Variants in TPP2 observed in about 807,000 individuals in gnomAD.
The protein encoded by TPP2 is tripeptidyl peptidase 2.
Under a neutral mutation model 155.9 loss-of-function variants are expected in TPP2, and 34 were observed. That is an observed-to-expected ratio of 0.22 (90% CI 0.17 to 0.29). TPP2 has a LOEUF of 0.29. Among genes scored for constraint, TPP2 ranks in the 10% least tolerant of loss-of-function variants. TPP2 has a pLI of 1.00. For synonymous variants in TPP2, 510 were observed against 529.4 expected (o/e 0.96, Z 0.50); for missense variants, 1,028 against 1,522.3 (o/e 0.68, Z 5.40).
At chr13:102,619,260 C>G (rs904021844) in intron 5 of TPP2, among the ~76,000 whole-genome samples, 14 of 152,012 alleles carry the variant, frequency 9.2e-5, no homozygotes, top group Admixed American at 2.0e-4. Flanking sequence ...AATAATAATG[C>G]GATTTATACC....
chr13:102,627,084 C>A lies in TPP2; in HGVS notation c.857C>A (p.Ala286Asp). The part of the protein sequence containing the change: ...FPEEPERNGV[A>D]PGAQILSIKI... ...GAAGAACCTGAACGGAATGGGGTAG[C>A]TCCTGGTGCTCAAATTCTTTCCATC... is the stretch of plus-strand genomic sequence containing the variant. The change falls in exon 7 of 30, where the codon GCT becomes GAT. Residue 286 changes from alanine to aspartate, a missense_variant. Physicochemically the swap from Ala to Asp is moderately radical, Grantham distance 126 (BLOSUM62 -2). This residue lies in a region of TPP2 where 300 missense variants were observed against 398.3 expected (regional missense o/e 0.75). Transcript: ENST00000376052. The A allele has an allele frequency of 6.3e-7, 1 of 1,599,574 alleles. No homozygotes were observed.
rs151235722 is a variant in TPP2 at position 102,651,339 on chromosome 13, A to C, written c.2953-20A>C. 2.1e-3 allele frequency: 3,260 copies of C among 1,572,282 alleles called. 63 individuals carry two copies. The highest frequency in any genetic ancestry group is 3.7e-4 in the Non-Finnish European group (429 of 1,157,938). On this transcript the variant is annotated intron_variant, in intron 23 of 29. Transcript: ENST00000376052. ...GTAGATTATGCATGTTTTCTTACAG[A>C]ATGTCGTTCTAACTCCCAGGGGCAG...
chr13:102,669,720 C>T (rs1016927747), intron 27 of TPP2, among the ~76,000 whole-genome samples: 7 of 151,454 alleles, frequency 4.6e-5, no homozygotes, highest in Non-Finnish European at 1.0e-4. Flanking sequence ...ATAAATTTGT[C>T]CAATTTTGGT....
chr13:102,654,932 C>T, intron 24 of TPP2: 1 of 484,594 alleles, frequency 2.1e-6, no homozygotes, highest in Non-Finnish European at 4.1e-6. Context: ...AGGAGAGGAG[C>T]AGGACAGGCA....
Position 102,643,383 on chromosome 13 carries a change from T to G in TPP2, c.2175+7T>G, listed in dbSNP as rs748096122. 4 of 1,592,060 alleles carry G rather than the reference T, an allele frequency of 2.5e-6. No homozygotes were observed. In the Admixed American group the frequency reaches 5.5e-5, roughly 22 times the overall value. ...TGAAGCTTTTCCTGTCCTAGTAAGT[T>G]TAATTATAGTTTATAATCCTAACAC... On this transcript the variant is annotated splice_region_variant and intron_variant, in intron 17 of 29. Transcript: ENST00000376052.
At chr13:102,661,389 T>G (rs896937956) in intron 25 of TPP2, among the ~76,000 whole-genome samples, 1 of 151,286 alleles carries the variant, frequency 6.6e-6, no homozygotes, top group Admixed American at 6.6e-5. Flanking sequence ...TAGCTAGGAC[T>G]ACAAGTGCAC....
chr13:102,619,762 A>G (rs1244820966), intron 5 of TPP2, among the ~76,000 whole-genome samples: 4 of 152,362 alleles, frequency 2.6e-5, no homozygotes, highest in South Asian at 2.1e-4. Flanking sequence ...CAATCTAGAT[A>G]TTAAATATTA....
intron 2 of TPP2, among the ~76,000 whole-genome samples, chr13:102,613,496 G>C (rs192985627): frequency 6.6e-6 from 1 of 152,174 alleles, no homozygotes; most frequent in Admixed American, 6.5e-5. Context: ...TCACTTTTTT[G>C]TTCACAAGAA....
At chr13:102,620,917 C>T (rs9582607) in intron 5 of TPP2, among the ~76,000 whole-genome samples, 81,516 of 152,064 alleles carry the variant, frequency 0.54, 22,052 homozygotes, top group African/African-American at 0.61. Flanking sequence ...ATTCTTTCCA[C>T]AGAAAATTGA....
chr13:102,650,427 C>T (rs1595190223), intron 23 of TPP2, among the ~76,000 whole-genome samples: 2 of 152,282 alleles, frequency 1.3e-5, no homozygotes, highest in Admixed American at 1.3e-4. Context: ...GAAACTTGTG[C>T]TTAGAAAGTT....
chr13:102,647,452 T>G (rs1013727310), intron 21 of TPP2, 108 bp downstream of exon 21: 1 of 1,375,800 alleles, frequency 7.3e-7, no homozygotes, highest in African/African-American at 1.5e-5. Flanking sequence ...AAACAAAAAT[T>G]ATAGCTTTGT....
intron 2 of TPP2, chr13:102,607,679 T>C (rs1214744467): frequency 8.9e-6 from 4 of 448,400 alleles, no homozygotes; most frequent in South Asian, 6.3e-5. Context: ...CTCTGCTTCC[T>C]GTATTCAAGT....
chr13:102,611,666 TAAAA>T (rs761421870), intron 2 of TPP2, among the ~76,000 whole-genome samples: 5 of 151,760 alleles, frequency 3.3e-5, no homozygotes, highest in South Asian at 2.1e-4. Context: ...CTCAAAAAAA[TAAAA>T]AAAAGACATT....
At chr13:102,601,738 T>C (rs2139404017) in intron 1 of TPP2, among the ~76,000 whole-genome samples, 3 of 152,334 alleles carry the variant, frequency 2.0e-5, no homozygotes, top group Admixed American at 2.0e-4. Flanking sequence ...CAAAACACCA[T>C]GGCAAATCCT....
intron 29 of TPP2, among the ~76,000 whole-genome samples, chr13:102,677,311 A>G (rs1885332618): frequency 6.6e-6 from 1 of 152,172 alleles, no homozygotes; most frequent in Non-Finnish European, 1.5e-5. Flanking sequence ...TTGTAAAGCC[A>G]GTGATCCCTG....
At chr13:102,614,318 G>T (rs1184376847) in intron 3 of TPP2, 122 bp downstream of exon 3, 2 of 795,242 alleles carry the variant, frequency 2.5e-6, no homozygotes, top group Non-Finnish European at 3.8e-6. Context: ...TTTTTGGGTG[G>T]TTGGTGGCTT....
chr13:102,658,840 C>T (rs1206148752), intron 25 of TPP2, among the ~76,000 whole-genome samples: 2 of 152,182 alleles, frequency 1.3e-5, no homozygotes, highest in East Asian at 1.9e-4. Context: ...TGCAGCGGCT[C>T]AGTTCCAGCT....
In TPP2 at chr13:102,610,802, A is replaced by G. The variant is rs74484480; in HGVS notation, c.295-3299A>G. On this transcript the variant is annotated intron_variant, in intron 2 of 29. Transcript: ENST00000376052. ...ACCTTTTATTGCAAAATATACATAC[A>G]TAAAATACATAAAACACATATATAC... Among the ~76,000 whole-genome samples the G allele has an allele frequency of 7.1e-3, 1,083 of 152,158 alleles. 13 individuals carry two copies. Among genetic ancestry groups the G allele is most frequent in the African/African-American group, 0.025 (1,026 of 41,568 alleles).
intron 24 of TPP2, among the ~76,000 whole-genome samples, chr13:102,655,428 C>G (rs1883792034): frequency 2.0e-5 from 3 of 152,004 alleles, no homozygotes; most frequent in Non-Finnish European, 4.4e-5. Flanking sequence ...TAATTTAGCA[C>G]CATTTTAAAT....
Sources: gnomAD v4.1 joint callset for allele counts (sites outside exome capture counted in the v4.1 genomes callset) on GRCh38, gnomAD v4.1.1 for gene constraint, gnomAD v4.1.1 regional missense constraint, MANE v1.5 for transcripts, NCBI Gene and HGNC (gene_info 2026-07-23, HGNC 2026-07-21) for gene names.